Variants in ABCC9 observed in about 807,000 individuals in gnomAD.
ABCC9 encodes ATP binding cassette subfamily C member 9.
Under a neutral mutation model 188.3 loss-of-function variants are expected in ABCC9, and 95 were observed. The ratio of observed to expected loss-of-function variants is 0.50; its 90% CI spans 0.43 to 0.60. The LOEUF (loss-of-function observed/expected upper bound fraction) is 0.60, where lower values mean the gene tolerates loss of function less well. Among genes scored for constraint, ABCC9 ranks in the 20% least tolerant of loss-of-function variants. The pLI is 0.00. For synonymous variants in ABCC9, 659 were observed against 652.7 expected (o/e 1.01, Z -0.15); for missense variants, 1,102 against 1,876.3 (o/e 0.59, Z 7.62).
rs192204445 is a variant in ABCC9 at position 21,862,115 on chromosome 12, A to G, written c.2339+838T>C. ...GTTGTTCTTCAATTTTTTTTTCTCA[A>G]CCATCCCTTCTTTTATATTTCTACC... On this transcript the variant is annotated intron_variant, in intron 20 of 39. Coordinates refer to ENST00000261200, the MANE Select transcript of ABCC9 (RefSeq NM_020297.4). Among the ~76,000 whole-genome samples the G allele has an allele frequency of 2.6e-5, 4 of 151,658 alleles. No individual in the cohort carries two copies. The East Asian group carries it at 7.8e-4, about 29-fold the overall frequency.
chr12:21,854,556 T>C (rs557372183), intron 22 of ABCC9, among the ~76,000 whole-genome samples: 1 of 152,212 alleles, frequency 6.6e-6, no homozygotes, highest in Non-Finnish European at 1.5e-5. Context: ...ATATTTCAAA[T>C]CTTTCAGACC....
chr12:21,843,985 A>G (rs1015455741), intron 28 of ABCC9, among the ~76,000 whole-genome samples: 1 of 152,198 alleles, frequency 6.6e-6, no homozygotes, highest in African/African-American at 2.4e-5. Context: ...ATTTCAAACA[A>G]ACTTTTAGAT....
At chr12:21,885,221 A>T (rs1279679370) in intron 15 of ABCC9, among the ~76,000 whole-genome samples, 1 of 152,190 alleles carries the variant, frequency 6.6e-6, no homozygotes, top group Non-Finnish European at 1.5e-5. Flanking sequence ...AGGAGTTTCC[A>T]TTAGTGTTAT....
chr12:21,806,077 G>C lies in ABCC9; in HGVS notation c.4450-17C>G, dbSNP rs780385274. ...AATATTCTCCTGCAAAAAAAAAAAA[G>C]TGTAAATTTTCTCGGGATTACTTTG... On this transcript the variant is annotated splice_polypyrimidine_tract_variant and intron_variant, in intron 38 of 39. Coordinates refer to ENST00000261200, the MANE Select transcript of ABCC9 (RefSeq NM_020297.4). The C allele has an allele frequency of 6.5e-7, 1 of 1,543,532 alleles. No individual in the cohort carries two copies. Among genetic ancestry groups the C allele is most frequent in the South Asian group, 1.1e-5 (1 of 88,732 alleles).
At chr12:21,903,036 A>C (rs1269180462) in intron 12 of ABCC9, among the ~76,000 whole-genome samples, 1 of 152,222 alleles carries the variant, frequency 6.6e-6, no homozygotes, top group East Asian at 1.9e-4. Flanking sequence ...AGATGCAAAA[A>C]TCCTCAATAA....
At chr12:21,896,600 TCTC>T (rs1947442864) in intron 12 of ABCC9, among the ~76,000 whole-genome samples, 1 of 152,140 alleles carries the variant, frequency 6.6e-6, no homozygotes, top group Non-Finnish European at 1.5e-5. Context: ...TGTGTGTTGT[TCTC>T]CTCCCTGTGT....
At chr12:21,866,528 C>T (rs1945791844) in intron 18 of ABCC9, among the ~76,000 whole-genome samples, 1 of 152,132 alleles carries the variant, frequency 6.6e-6, no homozygotes, top group South Asian at 2.1e-4. Context: ...GTTTCCCCTG[C>T]TAAACAGTAA....
chr12:21,904,586 AAAAC>A (rs769896851), intron 12 of ABCC9, among the ~76,000 whole-genome samples: 10 of 152,198 alleles, frequency 6.6e-5, no homozygotes, highest in African/African-American at 1.2e-4. Flanking sequence ...TTACAAGAAA[AAAAC>A]AAACAACCCC....
At chr12:21,852,048 T>G in intron 24 of ABCC9, 49 bp downstream of exon 24, 1 of 1,609,254 alleles carries the variant, frequency 6.2e-7, no homozygotes, top group South Asian at 1.1e-5. Context: ...AGTAAATTTC[T>G]AACTCTTCTG....
At chr12:21,807,812 G>A (rs1356630942) in intron 37 of ABCC9, among the ~76,000 whole-genome samples, 1 of 152,106 alleles carries the variant, frequency 6.6e-6, no homozygotes, top group Non-Finnish European at 1.5e-5. Flanking sequence ...GGCCCAGAGA[G>A]CTGAAATGGC....
intron 18 of ABCC9, among the ~76,000 whole-genome samples, chr12:21,871,401 T>G (rs1458872739): frequency 6.6e-6 from 1 of 152,198 alleles, no homozygotes; most frequent in East Asian, 1.9e-4. Flanking sequence ...AGGGATAAAA[T>G]GTACACTCAA....
At chr12:21,861,101 T>A in intron 20 of ABCC9, 46 bp from the exon 21 acceptor site, 1 of 1,488,650 alleles carries the variant, frequency 6.7e-7, no homozygotes, top group Non-Finnish European at 9.4e-7. Context: ...ATTAATACAT[T>A]GTCCATAAAC....
intron 39 of ABCC9, chr12:21,805,395 G>T: frequency 7.4e-7 from 1 of 1,351,744 alleles, no homozygotes; most frequent in Non-Finnish European, 1.0e-6. Context: ...TTATTAAGCA[G>T]TAAGCCTAAA....
intron 5 of ABCC9, 100 bp downstream of exon 5, chr12:21,925,842 C>T: frequency 7.7e-6 from 10 of 1,291,594 alleles, no homozygotes; most frequent in Non-Finnish European, 1.1e-5. Flanking sequence ...ACTCCCCACA[C>T]ACTCTGATAC....
At chr12:21,935,842 G>T (rs74067891) in intron 3 of ABCC9, among the ~76,000 whole-genome samples, 2,353 of 152,046 alleles carry the variant, frequency 0.015, 42 homozygotes, top group African/African-American at 0.047. Context: ...AAGTTAAAGG[G>T]TCTGTTTGGG....
rs139966260 is a variant in ABCC9 at position 21,892,730 on chromosome 12, A to G, written c.1802+1302T>C. ...GAATTTGGTTTATAAGATGATTTAT[A>G]TGCATTTTAATTTTATTGGGCATTA... On this transcript the variant is annotated intron_variant, in intron 14 of 39. Transcript: ENST00000261200. 9.3e-3 allele frequency among the ~76,000 whole-genome samples: 1,415 copies of G among 152,362 alleles called. 30 individuals carry two copies. The highest frequency in any genetic ancestry group is 0.033 in the African/African-American group (1,357 of 41,582).
chr12:21,921,491 GT>G (rs1226016206), intron 5 of ABCC9, among the ~76,000 whole-genome samples: 1 of 151,986 alleles, frequency 6.6e-6, no homozygotes, highest in African/African-American at 2.4e-5. Context: ...CAGACAGGCA[GT>G]TTGCAAATAT....
intron 5 of ABCC9, among the ~76,000 whole-genome samples, chr12:21,920,933 G>A (rs1200369382): frequency 6.6e-6 from 1 of 151,996 alleles, no homozygotes; most frequent in Non-Finnish European, 1.5e-5. Flanking sequence ...GGACTCCATT[G>A]TGGTACATGT....
chr12:21,856,184 T>C (rs1447978893), intron 22 of ABCC9, among the ~76,000 whole-genome samples: 1 of 152,176 alleles, frequency 6.6e-6, no homozygotes, highest in Non-Finnish European at 1.5e-5. Context: ...TATAACCTTT[T>C]CTACAACTTA....
Sources: allele counts gnomAD v4.1 joint callset (sites outside exome capture counted in the v4.1 genomes callset), GRCh38; gene constraint gnomAD v4.1.1; transcripts MANE v1.5; gene names NCBI Gene and HGNC (gene_info 2026-07-23, HGNC 2026-07-21).